CHIC1: variants seen among roughly 807,000 people sequenced by gnomAD.
CHIC1 encodes the protein cysteine rich hydrophobic domain 1.
A neutral mutation model predicts 18.5 loss-of-function variants in CHIC1; 7 were observed. The ratio of observed to expected loss-of-function variants is 0.38; its 90% CI spans 0.22 to 0.71. The LOEUF is 0.71. Among genes scored for constraint, CHIC1 ranks in the 30% least tolerant of loss-of-function variants. CHIC1 has a pLI of 0.49. For missense variants in CHIC1, 159 were observed against 176.9 expected (o/e 0.90, Z 0.57); for synonymous variants, 77 against 73.5 (o/e 1.05, Z -0.25).
intron 3 of CHIC1, among the ~76,000 whole-genome samples, chrX:73,615,440 C>G (rs2057728138): frequency 1.8e-5 from 2 of 111,568 alleles, no homozygotes; most frequent in Non-Finnish European, 3.8e-5. Flanking sequence ...CAGGACAACC[C>G]TCTGGCTCCT....
At chrX:73,579,503 T>C (rs187961127) in intron 2 of CHIC1, among the ~76,000 whole-genome samples, 2 of 110,784 alleles carry the variant, frequency 1.8e-5, no homozygotes, top group East Asian at 5.7e-4. Context: ...TCTAAGAGAA[T>C]ACATTATTAT....
At chrX:73,575,894 A>G (rs1158945582) in intron 1 of CHIC1, among the ~76,000 whole-genome samples, 1 of 110,860 alleles carries the variant, frequency 9.0e-6, no homozygotes, top group Non-Finnish European at 1.9e-5. Context: ...ACTCTTTTGT[A>G]ATAATACTTA....
intron 3 of CHIC1, among the ~76,000 whole-genome samples, chrX:73,592,450 C>G (rs1043416907): frequency 8.9e-6 from 1 of 111,767 alleles, no homozygotes; most frequent in Non-Finnish European, 1.9e-5. Context: ...TTTTCTGTGT[C>G]TGTTGACATG....
At chrX:73,679,792 A>T in intron 5 of CHIC1, 79 bp downstream of exon 5, 1 of 523,777 alleles carries the variant, frequency 1.9e-6, no homozygotes, top group Non-Finnish European at 2.8e-6. Context: ...TTTGTCAACT[A>T]TTCCTTCTTT....
intron 3 of CHIC1, among the ~76,000 whole-genome samples, chrX:73,647,097 T>A (rs147327699): frequency 8.5e-4 from 95 of 111,886 alleles, no homozygotes; most frequent in African/African-American, 2.7e-3. Flanking sequence ...TCATTGAAAG[T>A]CAGTTGGCTG....
At chrX:73,602,335 C>A (rs1294790419) in intron 3 of CHIC1, among the ~76,000 whole-genome samples, 1 of 108,820 alleles carries the variant, frequency 9.2e-6, no homozygotes, top group African/African-American at 3.6e-5. Flanking sequence ...AGTGTCAGTT[C>A]ATATCCTTCA....
At chrX:73,623,982 A>G (rs957707021) in intron 3 of CHIC1, among the ~76,000 whole-genome samples, 17 of 111,293 alleles carry the variant, frequency 1.5e-4, no homozygotes, top group African/African-American at 4.9e-4. Context: ...TCTTTAAAGT[A>G]TGCAGTTACT....
In CHIC1 at chrX:73,686,422, A is replaced by G. The variant is rs1358075344; in HGVS notation, c.*5417A>G. The G allele has an allele frequency of 9.0e-6, 1 of 111,660 alleles. No individual in the cohort carries two copies. The highest frequency in any genetic ancestry group is 3.2e-5 in the African/African-American group (1 of 30,813). The allele number at this position is 111,660 out of a possible 1,213,427, so 9.2% of individuals were successfully genotyped here. On this transcript the variant is annotated 3_prime_UTR_variant, in exon 6 of 6. Coordinates refer to ENST00000373502, the MANE Select transcript of CHIC1 (RefSeq NM_001039840.4). ...CATACATACACACACATATAGGATT[A>G]CAAATGTGGAAAATGTTATAATGTC...
chrX:73,661,233 C>T (rs1159934558), intron 3 of CHIC1, among the ~76,000 whole-genome samples: 4 of 112,002 alleles, frequency 3.6e-5, no homozygotes, highest in African/African-American at 1.3e-4. Context: ...GGTGGACTCT[C>T]CAGGAAAGGC....
chrX:73,666,764 T>C (rs941979934), intron 3 of CHIC1, among the ~76,000 whole-genome samples: 2 of 112,494 alleles, frequency 1.8e-5, no homozygotes, highest in Non-Finnish European at 3.7e-5. Flanking sequence ...AGGAGTGTTT[T>C]ACTTCCAATT....
intron 3 of CHIC1, among the ~76,000 whole-genome samples, chrX:73,674,405 G>T (rs745808522): frequency 4.0e-4 from 45 of 111,677 alleles, no homozygotes; most frequent in Non-Finnish European, 7.4e-4. Context: ...TTGCCTCAAT[G>T]TCAGATCCTG....
chrX:73,685,725 A>G lies in CHIC1; in HGVS notation c.*4720A>G, dbSNP rs1796108522. ...GATATACTGGATATCATAATTATATAATTTCTAAATAGATTTCTTTAAATC... is the reference window on the plus strand; with the variant it reads ...GATATACTGGATATCATAATTATATGATTTCTAAATAGATTTCTTTAAATC... On this transcript the variant is annotated 3_prime_UTR_variant, in exon 6 of 6. Transcript: ENST00000373502. The G allele has an allele frequency of 8.9e-6, 1 of 111,837 alleles. No individual in the cohort carries two copies. The highest frequency in any genetic ancestry group is 9.5e-5 in the Admixed American group (1 of 10,491). The allele number at this position is 111,837 out of a possible 1,213,427, so 9.2% of individuals were successfully genotyped here.
rs746995200 is a variant in CHIC1 at position 73,648,153 on chromosome X, A to G, written c.508-31173A>G. Among the ~76,000 whole-genome samples, 4 of 111,820 alleles carry G rather than the reference A, an allele frequency of 3.6e-5. No homozygotes were observed. In the Admixed American group the frequency reaches 3.8e-4, roughly 11 times the overall value. ...TTGAAAGAAAAACAAACAGAAAGCA[A>G]CAACAACAGTATCAACCACAAAAAA... On this transcript the variant is annotated intron_variant, in intron 3 of 5. Coordinates refer to ENST00000373502, the MANE Select transcript of CHIC1 (RefSeq NM_001039840.4).
intron 3 of CHIC1, among the ~76,000 whole-genome samples, chrX:73,654,147 A>G (rs757244802): frequency 1.3e-4 from 15 of 112,271 alleles, no homozygotes; most frequent in African/African-American, 4.2e-4. Context: ...ATTTTTCCCT[A>G]TTTAGTATAA....
intron 3 of CHIC1, among the ~76,000 whole-genome samples, chrX:73,649,658 C>T (rs2057906193): frequency 8.9e-6 from 1 of 112,043 alleles, no homozygotes; most frequent in Admixed American, 9.4e-5. Context: ...AACATATATG[C>T]ACCCAATAAA....
At chrX:73,637,295 GTT>G (rs371158471) in intron 3 of CHIC1, among the ~76,000 whole-genome samples, 8 of 94,014 alleles carry the variant, frequency 8.5e-5, no homozygotes, top group Admixed American at 1.1e-4. Flanking sequence ...CTGATTTTAA[GTT>G]TTTTTTTTTT....
chrX:73,621,353 T>TTGG (rs1439207860), intron 3 of CHIC1, among the ~76,000 whole-genome samples: 1 of 112,359 alleles, frequency 8.9e-6, no homozygotes, highest in African/African-American at 3.2e-5. Context: ...TTTCCATTTT[T>TTGG]TGGTGTCCTC....
At chrX:73,679,533 T>C in intron 4 of CHIC1, 121 bp from the exon 5 acceptor site, 1 of 567,182 alleles carries the variant, frequency 1.8e-6, no homozygotes, top group African/African-American at 2.3e-5. Context: ...AAGGTATTTT[T>C]AAGTGCTCTG....
At chrX:73,627,248 C>T (rs1407668404) in intron 3 of CHIC1, among the ~76,000 whole-genome samples, 2 of 111,762 alleles carry the variant, frequency 1.8e-5, no homozygotes, top group East Asian at 2.8e-4. Flanking sequence ...GACTGTGCTT[C>T]GTCAGACCTG....
Sources: gnomAD v4.1 joint callset for allele counts (sites outside exome capture counted in the v4.1 genomes callset) on GRCh38, gnomAD v4.1.1 for gene constraint, MANE v1.5 for transcripts, NCBI Gene and HGNC (gene_info 2026-07-23, HGNC 2026-07-21) for gene names.